YAF2: variants seen among roughly 807,000 people sequenced by gnomAD.
YAF2 encodes YY1 associated factor 2, also known as YY1-associated factor 2.
In YAF2, 7 loss-of-function variants were observed where a neutral mutation model predicts 20.1. That is an observed-to-expected ratio of 0.35 (90% CI 0.20 to 0.65). YAF2 has a LOEUF of 0.65. Among genes scored for constraint, YAF2 ranks in the 30% least tolerant of loss-of-function variants. The pLI is 0.69. For missense variants in YAF2, 151 were observed against 219.2 expected (o/e 0.69, Z 1.96); for synonymous variants, 74 against 76.0 (o/e 0.97, Z 0.14).
chr12:42,201,550 G>A (rs576366270), intron 2 of YAF2, among the ~76,000 whole-genome samples: 6 of 152,120 alleles, frequency 3.9e-5, no homozygotes, highest in Admixed American at 2.0e-4. Context: ...TAGGTATGTC[G>A]CATATCTTTT....
chr12:42,162,195 G>A (rs763738677), intron 2 of YAF2, among the ~76,000 whole-genome samples: 2 of 152,032 alleles, frequency 1.3e-5, no homozygotes, highest in Non-Finnish European at 2.9e-5. Flanking sequence ...GTTCTTTAAA[G>A]CTTTTCATTT....
Position 42,161,606 on chromosome 12 carries a change from C to T in YAF2, c.305+7G>A. On this transcript the variant is annotated splice_region_variant and intron_variant, in intron 3 of 3. Transcript: ENST00000534854. Reference sequence around the variant, plus strand: ...CAAAAATGTCATAAAACACTCTTCACATTTACCTGGTTTTCTTATGGCTAT... The same window carrying T: ...CAAAAATGTCATAAAACACTCTTCATATTTACCTGGTTTTCTTATGGCTAT... 1 of 1,574,816 alleles carries T rather than the reference C, an allele frequency of 6.3e-7. No homozygotes were observed. Among genetic ancestry groups the T allele is most frequent in the Non-Finnish European group, 8.6e-7 (1 of 1,165,236 alleles).
intron 2 of YAF2, among the ~76,000 whole-genome samples, chr12:42,185,300 T>C (rs749701052): frequency 3.3e-5 from 5 of 152,230 alleles, no homozygotes; most frequent in Non-Finnish European, 4.4e-5. Flanking sequence ...TTATTACAGA[T>C]AAACACACAA....
chr12:42,179,490 A>G (rs1304072967), intron 2 of YAF2, among the ~76,000 whole-genome samples: 1 of 152,238 alleles, frequency 6.6e-6, no homozygotes, highest in African/African-American at 2.4e-5. Flanking sequence ...ATGTGCAATG[A>G]GAGTTGGGAA....
intron 2 of YAF2, among the ~76,000 whole-genome samples, chr12:42,165,973 G>A (rs974377899): frequency 6.6e-6 from 1 of 151,344 alleles, no homozygotes; most frequent in Non-Finnish European, 1.5e-5. Context: ...GCTGGAGTGC[G>A]GTGGCGTGAT....
At chr12:42,207,674 C>G (rs1320384825) in intron 2 of YAF2, among the ~76,000 whole-genome samples, 1 of 152,084 alleles carries the variant, frequency 6.6e-6, no homozygotes, top group African/African-American at 2.4e-5. Flanking sequence ...GGGCAGATCA[C>G]AAGGTCAGGC....
chr12:42,192,081 AC>A (rs1379942301), intron 2 of YAF2, among the ~76,000 whole-genome samples: 5 of 151,690 alleles, frequency 3.3e-5, no homozygotes, highest in African/African-American at 4.8e-5. Context: ...TTTAAATAAT[AC>A]AAAAAGTGTT....
At position 42,237,722 on chromosome 12, in the gene YAF2, G is replaced by A. The variant is rs2068220967; in HGVS notation, c.29C>T (p.Pro10Leu). Residue 10 changes from proline to leucine, a missense_variant and splice_region_variant, in exon 2 of 4, where the codon CCG becomes CTG. By Grantham distance (98) the Pro-to-Leu change is moderately conservative. Transcript: ENST00000534854. MGDKKSPTR[P>L]KRQPKPSSDE... ...CGAGGACGGCTTCGGCTGCCGCTTC[G>A]GCCTGCAGGACACAACCCGGACACG... 4 of 1,562,050 alleles carry A rather than the reference G, an allele frequency of 2.6e-6. No homozygotes were observed. The highest frequency in any genetic ancestry group is 1.9e-5 in the Admixed American group (1 of 53,702).
chr12:42,224,828 A>C (rs1009103937), intron 2 of YAF2, among the ~76,000 whole-genome samples: 8 of 152,202 alleles, frequency 5.3e-5, no homozygotes, highest in African/African-American at 1.9e-4. Context: ...ATAGTGCTGC[A>C]ATAAACATAC....
chr12:42,222,753 G>A (rs1342628659), intron 2 of YAF2, among the ~76,000 whole-genome samples: 1 of 151,556 alleles, frequency 6.6e-6, no homozygotes, highest in Non-Finnish European at 1.5e-5. Flanking sequence ...GATATTCAGG[G>A]ATTTTTTTTT....
chr12:42,204,720 T>G (rs369020628), intron 2 of YAF2, among the ~76,000 whole-genome samples: 1 of 152,206 alleles, frequency 6.6e-6, no homozygotes, highest in Admixed American at 6.5e-5. Flanking sequence ...CATACGATGA[T>G]GTATTATTAT....
intron 2 of YAF2, chr12:42,235,910 G>A (rs1235089798): frequency 6.5e-7 from 1 of 1,536,036 alleles, no homozygotes; most frequent in East Asian, 2.4e-5. Context: ...CTTCTGAGCT[G>A]CCACCACCTA....
intron 2 of YAF2, among the ~76,000 whole-genome samples, chr12:42,226,727 T>C (rs1413149443): frequency 6.6e-6 from 1 of 152,258 alleles, no homozygotes; most frequent in Non-Finnish European, 1.5e-5. Flanking sequence ...CAAAATAGTC[T>C]GATAATATTT....
intron 2 of YAF2, among the ~76,000 whole-genome samples, chr12:42,191,978 G>A (rs529735352): frequency 2.0e-5 from 3 of 151,826 alleles, no homozygotes; most frequent in East Asian, 1.9e-4. Flanking sequence ...GGAGGAGGAG[G>A]CTGCAGTGAC....
Position 42,157,902 on chromosome 12 carries a change from G to A in YAF2, c.*2687C>T, listed in dbSNP as rs534629626. 3.2e-4 allele frequency: 48 copies of A among 152,186 alleles called. No individual in the cohort carries two copies. Among genetic ancestry groups the A allele is most frequent in the African/African-American group, 8.4e-4 (35 of 41,526 alleles). The allele number at this position is 152,186 out of a possible 1,614,324, so 9.4% of individuals were successfully genotyped here. On this transcript the variant is annotated 3_prime_UTR_variant, in exon 4 of 4. Transcript: ENST00000534854. ...CCCAAAGTGCTGGGATTACTGGCAT[G>A]AGCCATCACACCCGGCCTATCTTCA...
chr12:42,171,216 C>G lies in YAF2; in HGVS notation c.153-9451G>C, dbSNP rs570403290. Among the ~76,000 whole-genome samples, 3 of 152,292 alleles carry G rather than the reference C, an allele frequency of 2.0e-5. No individual in the cohort carries two copies. In the South Asian group the frequency reaches 6.2e-4, roughly 32 times the overall value. ...CATATTGCCCAGGCTGGTCTCAACT[C>G]CTGACCTCAAGTGATCCGCCCACCT... On this transcript the variant is annotated intron_variant, in intron 2 of 3. Coordinates refer to ENST00000534854, the MANE Select transcript of YAF2 (RefSeq NM_005748.6).
intron 2 of YAF2, chr12:42,236,110 A>G: frequency 1.4e-6 from 2 of 1,397,410 alleles, no homozygotes; most frequent in Non-Finnish European, 1.9e-6. Flanking sequence ...TCAAGATTAT[A>G]ATTGTTTCCA....
Position 42,160,519 on chromosome 12 carries a change from T to C in YAF2, c.*70A>G. 1 of 1,139,246 alleles carries C rather than the reference T, an allele frequency of 8.8e-7. No homozygotes were observed. Among genetic ancestry groups the C allele is most frequent in the East Asian group, 2.4e-5 (1 of 42,348 alleles). The allele number at this position is 1,139,246 out of a possible 1,614,324, so 70.6% of individuals were successfully genotyped here. Reference sequence around the variant, plus strand: ...GAATGTATCTGTCATGAAAATGTGGTACCTCTTGGCATAATCTGTGTATTT... The same window carrying C: ...GAATGTATCTGTCATGAAAATGTGGCACCTCTTGGCATAATCTGTGTATTT... On this transcript the variant is annotated 3_prime_UTR_variant, in exon 4 of 4. Transcript: ENST00000534854.
intron 2 of YAF2, among the ~76,000 whole-genome samples, chr12:42,206,546 T>C (rs1177090809): frequency 1.3e-5 from 2 of 151,314 alleles, no homozygotes; most frequent in Non-Finnish European, 1.5e-5. Context: ...GGGGTGGAGG[T>C]TGAAGTGAGC....
Sources: allele counts gnomAD v4.1 joint callset (sites outside exome capture counted in the v4.1 genomes callset), GRCh38; gene constraint gnomAD v4.1.1; transcripts MANE v1.5; gene names NCBI Gene and HGNC (gene_info 2026-07-23, HGNC 2026-07-21).